The following MYO1E variants were observed in gnomAD, a reference collection of about 807,000 sequenced individuals.
The protein encoded by MYO1E is myosin IE, also known as unconventional myosin-Ie.
A neutral mutation model predicts 151.1 loss-of-function variants in MYO1E; 68 were observed. The ratio of observed to expected loss-of-function variants is 0.45; its 90% CI spans 0.37 to 0.55. The LOEUF is 0.55. Among genes scored for constraint, MYO1E ranks in the 20% least tolerant of loss-of-function variants. The pLI is 0.00. For synonymous variants in MYO1E, 601 were observed against 501.7 expected (o/e 1.20, Z -2.64); for missense variants, 1,363 against 1,389.3 (o/e 0.98, Z 0.30).
In MYO1E at chr15:59,138,488, G is replaced by A. The variant is rs2079387919; in HGVS notation, c.3081-121C>T. The A allele has an allele frequency of 3.7e-6, 4 of 1,072,348 alleles. No homozygotes were observed. The African/African-American group carries it at 4.7e-5, about 13-fold the overall frequency. 66.4% of individuals were successfully genotyped at this position (1,072,348 alleles called of 1,614,324 possible). ...AAGTTCAAATCCAGCTCCATCCTTA[G>A]AAGACATGTGGCCCAGGGTGCAGTC... is the stretch of plus-strand genomic sequence containing the variant. On this transcript the variant is annotated intron_variant, in intron 26 of 27. Transcript: ENST00000288235.
At chr15:59,170,508 G>A (rs1444574915) in intron 22 of MYO1E, among the ~76,000 whole-genome samples, 5 of 152,036 alleles carry the variant, frequency 3.3e-5, no homozygotes, top group African/African-American at 1.2e-4. Context: ...AGCAGGCACT[G>A]CCCCGCTCAG....
rs1480964665 is a variant in MYO1E, at chr15:59,231,713, AGTT to A, written c.496_498del (p.Asn166del). The A allele has an allele frequency of 1.2e-6, 2 of 1,613,744 alleles. No individual in the cohort carries two copies. Among genetic ancestry groups the A allele is most frequent in the African/African-American group, 1.3e-5 (1 of 74,910 alleles). On this transcript the variant is annotated inframe_deletion, in exon 6 of 28. Transcript: ENST00000288235. ...GGGAAGGGACTTACAAATCGGCTGG[AGTT>A]GTTGTTCCGGACGGTCTTGGCGTTC...
intron 1 of MYO1E, among the ~76,000 whole-genome samples, chr15:59,346,824 G>A (rs2140432432): frequency 6.6e-6 from 1 of 152,186 alleles, no homozygotes; most frequent in African/African-American, 2.4e-5. Context: ...GGCTGAGATG[G>A]GAGGATTGAT....
intron 1 of MYO1E, among the ~76,000 whole-genome samples, chr15:59,314,634 G>T (rs1443603096): frequency 1.3e-5 from 2 of 151,766 alleles, no homozygotes; most frequent in African/African-American, 4.8e-5. Context: ...TTCACTCCGG[G>T]GCAGCTCTGC....
At chr15:59,340,491 G>C (rs749510581) in intron 1 of MYO1E, among the ~76,000 whole-genome samples, 7 of 151,998 alleles carry the variant, frequency 4.6e-5, no homozygotes, top group Non-Finnish European at 1.0e-4. Flanking sequence ...TCAGGAAAAA[G>C]TAATACTTGA....
chr15:59,220,987 T>TTA (rs575891928), intron 9 of MYO1E, among the ~76,000 whole-genome samples: 1 of 144,350 alleles, frequency 6.9e-6, no homozygotes, highest in Non-Finnish European at 1.5e-5. Flanking sequence ...TCATCTCACA[T>TTA]TATATATATA....
chr15:59,214,821 A>T, intron 10 of MYO1E, 101 bp from the exon 11 acceptor site: 4 of 899,718 alleles, frequency 4.4e-6, no homozygotes, highest in Non-Finnish European at 7.5e-6. Flanking sequence ...GGCAAACACT[A>T]CTGCTTGCAG....
chr15:59,273,529 G>T (rs1306973831), intron 1 of MYO1E, among the ~76,000 whole-genome samples: 1 of 152,208 alleles, frequency 6.6e-6, no homozygotes, highest in Non-Finnish European at 1.5e-5. Context: ...CAGGAGTGGA[G>T]GTTAGGCCAC....
At chr15:59,193,025 T>C (rs1018057491) in intron 17 of MYO1E, among the ~76,000 whole-genome samples, 1 of 123,310 alleles carries the variant, frequency 8.1e-6, no homozygotes, top group African/African-American at 3.5e-5. Flanking sequence ...AGATGAAGAG[T>C]CTCGCTCTAA....
chr15:59,300,034 C>T (rs924804152), intron 1 of MYO1E, among the ~76,000 whole-genome samples: 2 of 152,100 alleles, frequency 1.3e-5, no homozygotes, highest in African/African-American at 2.4e-5. Flanking sequence ...GTAAGATCTC[C>T]GTGAGATATA....
At chr15:59,264,196 A>G (rs1317847190) in intron 2 of MYO1E, among the ~76,000 whole-genome samples, 1 of 152,196 alleles carries the variant, frequency 6.6e-6, no homozygotes, top group African/African-American at 2.4e-5. Context: ...AAAACATTTC[A>G]AACTTTGCAG....
intron 26 of MYO1E, among the ~76,000 whole-genome samples, chr15:59,139,650 G>A (rs1195054740): frequency 2.1e-5 from 3 of 143,632 alleles, no homozygotes; most frequent in Non-Finnish European, 4.5e-5. Context: ...TACTCTACAG[G>A]CTTTTCTGCC....
chr15:59,188,525 G>C (rs1025357564), intron 17 of MYO1E, among the ~76,000 whole-genome samples: 4 of 151,932 alleles, frequency 2.6e-5, no homozygotes, highest in African/African-American at 9.7e-5. Flanking sequence ...GTGAAACCCT[G>C]TCTCTATTAA....
At chr15:59,247,683 G>T (rs1231242472) in intron 4 of MYO1E, among the ~76,000 whole-genome samples, 3 of 152,120 alleles carry the variant, frequency 2.0e-5, no homozygotes, top group African/African-American at 7.2e-5. Context: ...TGAGCTGGGG[G>T]AGCTTGAAAA....
chr15:59,311,379 G>A (rs1353564907), intron 1 of MYO1E, among the ~76,000 whole-genome samples: 1 of 151,986 alleles, frequency 6.6e-6, no homozygotes, highest in African/African-American at 2.4e-5. Context: ...ATCTAATGCC[G>A]CCACTGATCT....
intron 2 of MYO1E, among the ~76,000 whole-genome samples, chr15:59,267,150 C>A (rs1369934275): frequency 2.7e-5 from 4 of 148,740 alleles, no homozygotes; most frequent in South Asian, 2.1e-4. Context: ...CTCAGCCTCC[C>A]GAGTAGCCGG....
At chr15:59,290,938 G>C (rs1231370918) in intron 1 of MYO1E, among the ~76,000 whole-genome samples, 1 of 152,164 alleles carries the variant, frequency 6.6e-6, no homozygotes, top group Non-Finnish European at 1.5e-5. Context: ...GCAAGGAATG[G>C]AGACCAACTG....
intron 1 of MYO1E, among the ~76,000 whole-genome samples, chr15:59,324,367 G>A (rs1228874660): frequency 6.6e-6 from 1 of 152,154 alleles, no homozygotes; most frequent in South Asian, 2.1e-4. Flanking sequence ...GCCACCCCTC[G>A]CCTATGAGCA....
intron 2 of MYO1E, among the ~76,000 whole-genome samples, chr15:59,263,101 T>C (rs879411935): frequency 2.0e-5 from 3 of 152,220 alleles, no homozygotes; most frequent in African/African-American, 4.8e-5. Context: ...TTTAGAAATT[T>C]TACAAATAAA....
Sources: allele counts gnomAD v4.1 joint callset (sites outside exome capture counted in the v4.1 genomes callset), GRCh38; gene constraint gnomAD v4.1.1; transcripts MANE v1.5; gene names NCBI Gene and HGNC (gene_info 2026-07-23, HGNC 2026-07-21).